HHAT: variants seen among roughly 807,000 people sequenced by gnomAD.
HHAT encodes protein-cysteine N-palmitoyltransferase HHAT.
HHAT carries 47 observed loss-of-function variants against 70.8 expected under a neutral mutation model. That is an observed-to-expected ratio of 0.66 (90% CI 0.53 to 0.85). HHAT has a LOEUF of 0.85. Ranked by LOEUF, HHAT falls within the 40% of genes least tolerant of loss-of-function variation. HHAT has a pLI of 0.00. For missense variants in HHAT, 609 were observed against 604.8 expected, an observed-to-expected ratio of 1.01 and a Z score of -0.07; for synonymous variants, 228 against 247.6, an observed-to-expected ratio of 0.92 and a Z score of 0.74.
intron 3 of HHAT, among the ~76,000 whole-genome samples, chr1:210,365,509 G>A (rs770352970): frequency 3.3e-5 from 5 of 151,824 alleles, no homozygotes; most frequent in Non-Finnish European, 7.4e-5. Context: ...GTAGAGATGG[G>A]GTTTCGCCAT....
At chr1:210,400,331 TTTC>T (rs2092003220) in intron 4 of HHAT, 134 bp from the exon 5 acceptor site, 1 of 769,550 alleles carries the variant, frequency 1.3e-6, no homozygotes, top group African/African-American at 1.8e-5. Context: ...GTGATAAGAG[TTTC>T]TTTATTGGGT....
At position 210,555,626 on chromosome 1, in the gene HHAT, C is replaced by G. The variant is rs140353043; in HGVS notation, c.1044-32272C>G. On this transcript the variant is annotated intron_variant, in intron 9 of 11. Coordinates refer to ENST00000261458, the MANE Select transcript of HHAT (RefSeq NM_018194.6). ...GTTTGTGCTATTTCAAAGCAGCCAG[C>G]CTTTGACACACTGTCCCTCATAACT... 2.0e-4 allele frequency among the ~76,000 whole-genome samples: 30 copies of G among 152,330 alleles called. 1 individual carries two copies. Among genetic ancestry groups the G allele is most frequent in the East Asian group, 7.7e-4 (4 of 5,192 alleles).
intron 6 of HHAT, among the ~76,000 whole-genome samples, chr1:210,412,828 G>A (rs1397665312): frequency 6.6e-6 from 1 of 152,226 alleles, no homozygotes; most frequent in African/African-American, 2.4e-5. Context: ...GCAGTTCTTT[G>A]TCTGGGCCCC....
chr1:210,328,993 A>G lies in HHAT; in HGVS notation c.-155A>G, dbSNP rs2084741284. 1 of 1,364,562 alleles carries G rather than the reference A, an allele frequency of 7.3e-7. No individual in the cohort carries two copies. Among genetic ancestry groups the G allele is most frequent in the Non-Finnish European group, 9.5e-7 (1 of 1,056,760 alleles). 84.5% of individuals were successfully genotyped at this position (1,364,562 alleles called of 1,614,324 possible). Reference sequence around the variant, plus strand: ...GGGAAAGAGGGTGGCGTCCCGGGGAAGCCCGCAGCCGCCGCCGATGTCGCT... The same window carrying G: ...GGGAAAGAGGGTGGCGTCCCGGGGAGGCCCGCAGCCGCCGCCGATGTCGCT... On this transcript the variant is annotated 5_prime_UTR_variant, in exon 1 of 12. Coordinates refer to ENST00000261458, the MANE Select transcript of HHAT (RefSeq NM_018194.6).
intron 9 of HHAT, among the ~76,000 whole-genome samples, chr1:210,585,953 G>A (rs1000263392): frequency 3.2e-4 from 48 of 152,118 alleles, no homozygotes; most frequent in African/African-American, 1.1e-3. Context: ...TGGGGGGTTC[G>A]TTCTAAACTG....
chr1:210,536,375 T>A (rs1221376363), intron 9 of HHAT, among the ~76,000 whole-genome samples: 2 of 152,242 alleles, frequency 1.3e-5, no homozygotes, highest in Non-Finnish European at 2.9e-5. Flanking sequence ...TTTCTTTGTC[T>A]GAACAGAATG....
chr1:210,482,701 G>T (rs1008898994), intron 8 of HHAT, among the ~76,000 whole-genome samples: 5 of 152,114 alleles, frequency 3.3e-5, no homozygotes, highest in Non-Finnish European at 5.9e-5. Flanking sequence ...CTGCTATAAT[G>T]AATACAGAAT....
intron 11 of HHAT, among the ~76,000 whole-genome samples, chr1:210,669,793 A>T (rs1036853145): frequency 6.6e-6 from 1 of 152,202 alleles, no homozygotes; most frequent in East Asian, 1.9e-4. Flanking sequence ...CTTAAGAAGG[A>T]TATTTTCCTT....
At chr1:210,512,337 C>G (rs1220779145) in intron 8 of HHAT, among the ~76,000 whole-genome samples, 1 of 152,114 alleles carries the variant, frequency 6.6e-6, no homozygotes, top group Non-Finnish European at 1.5e-5. Context: ...TGCCCCACCC[C>G]CCCTCACCTG....
chr1:210,452,693 G>A (rs750423081), intron 7 of HHAT, among the ~76,000 whole-genome samples: 1 of 152,134 alleles, frequency 6.6e-6, no homozygotes, highest in Non-Finnish European at 1.5e-5. Flanking sequence ...AGTGACTTGA[G>A]GTTTTTCTTT....
chr1:210,344,796 C>T (rs1488739710), intron 1 of HHAT, among the ~76,000 whole-genome samples: 1 of 152,050 alleles, frequency 6.6e-6, no homozygotes, highest in East Asian at 1.9e-4. Flanking sequence ...TCTCCCCTAC[C>T]AGGAGATGGC....
At chr1:210,425,628 T>C (rs948390850) in intron 7 of HHAT, among the ~76,000 whole-genome samples, 1 of 152,118 alleles carries the variant, frequency 6.6e-6, no homozygotes, top group African/African-American at 2.4e-5. Context: ...TTTTGCCAGG[T>C]GTGTTGAAGT....
intron 9 of HHAT, among the ~76,000 whole-genome samples, chr1:210,529,316 AG>A (rs989222451): frequency 7.0e-6 from 1 of 143,088 alleles, no homozygotes; most frequent in Non-Finnish European, 1.6e-5. Context: ...AAAAAAACAA[AG>A]GAAAAAAAAA....
chr1:210,498,762 G>GTTTTTT (rs67506355), intron 8 of HHAT, among the ~76,000 whole-genome samples: 1 of 143,692 alleles, frequency 7.0e-6, no homozygotes. Flanking sequence ...CTTGCAGTCT[G>GTTTTTT]TTTTTTTTTT....
intron 9 of HHAT, among the ~76,000 whole-genome samples, chr1:210,520,307 G>A (rs900762348): frequency 5.9e-5 from 9 of 152,118 alleles, no homozygotes; most frequent in African/African-American, 1.9e-4. Flanking sequence ...GAGCCACTGC[G>A]CCTGACCCAT....
chr1:210,529,899 C>T (rs1055063648), intron 9 of HHAT, among the ~76,000 whole-genome samples: 1 of 152,158 alleles, frequency 6.6e-6, no homozygotes, highest in Non-Finnish European at 1.5e-5. Flanking sequence ...TTAATAAATT[C>T]CTTTTCTGCT....
At chr1:210,367,438 CAG>C (rs938713505) in intron 3 of HHAT, among the ~76,000 whole-genome samples, 31 of 151,960 alleles carry the variant, frequency 2.0e-4, no homozygotes, top group African/African-American at 7.0e-4. Flanking sequence ...TGTGTAGAGT[CAG>C]AGTAGGGAGA....
chr1:210,610,295 A>G (rs1430101921), intron 10 of HHAT, among the ~76,000 whole-genome samples: 1 of 152,120 alleles, frequency 6.6e-6, no homozygotes, highest in South Asian at 2.1e-4. Context: ...TTTTAAAAAT[A>G]TGTTGGCCAC....
intron 8 of HHAT, among the ~76,000 whole-genome samples, chr1:210,485,606 C>T (rs1415057895): frequency 6.6e-6 from 1 of 152,116 alleles, no homozygotes; most frequent in African/African-American, 2.4e-5. Context: ...TTAAGATGTA[C>T]AGTTCCACGT....
Sources: allele counts gnomAD v4.1 joint callset (sites outside exome capture counted in the v4.1 genomes callset), GRCh38; gene constraint gnomAD v4.1.1; transcripts MANE v1.5; gene names NCBI Gene and HGNC (gene_info 2026-07-23, HGNC 2026-07-21).